Variants in B3GALT1 observed in about 807,000 individuals in gnomAD.
The protein encoded by B3GALT1 is beta-1,3-galactosyltransferase 1, also known as UDP-Gal:betaGlcNAc beta 1,3-galactosyltransferase, polypeptide 1.
In B3GALT1, 10 loss-of-function variants were observed where a neutral mutation model predicts 23.2. The ratio of observed to expected loss-of-function variants is 0.43; its 90% confidence interval spans 0.27 to 0.73. The LOEUF is 0.73. Ranked by LOEUF, B3GALT1 falls within the 30% of genes least tolerant of loss-of-function variation. The probability of loss-of-function intolerance (pLI) is 0.21; values close to 1 mark genes in which losing one functional copy is unlikely to be tolerated. For synonymous variants in B3GALT1, 156 were observed against 141.5 expected (o/e 1.10, Z -0.73); for missense variants, 299 against 405.4 (o/e 0.74, Z 2.25).
chr2:167,489,624 T>G (rs1699676715), intron 1 of B3GALT1, among the ~76,000 whole-genome samples: 1 of 152,208 alleles, frequency 6.6e-6, no homozygotes, highest in Non-Finnish European at 1.5e-5. Flanking sequence ...ACTTTTTCAC[T>G]GGCTCACGTC....
chr2:167,808,412 G>T (rs1159793285), intron 3 of B3GALT1, among the ~76,000 whole-genome samples: 1 of 151,356 alleles, frequency 6.6e-6, no homozygotes, highest in Non-Finnish European at 1.5e-5. Flanking sequence ...GGTCTTTACA[G>T]TTTGGCATGT....
intron 1 of B3GALT1, among the ~76,000 whole-genome samples, chr2:167,379,577 A>T (rs73021705): frequency 0.013 from 2,027 of 152,224 alleles, 54 homozygotes; most frequent in African/African-American, 0.047. Flanking sequence ...CCCATAGATG[A>T]TGCTTAAAGG....
In B3GALT1 at chr2:167,791,483, G is replaced by C. The variant is rs185284048; in HGVS notation, c.-351-27189G>C. ...ATAAATCCATGATCTAGCTATAGTA[G>C]ACTGCCTTCTGCCTGCCTGGGTCTA... On this transcript the variant is annotated intron_variant, in intron 3 of 4. Transcript: ENST00000392690. Among the ~76,000 whole-genome samples, 20 of 152,232 alleles carry C rather than the reference G, an allele frequency of 1.3e-4. No individual in the cohort carries two copies. In the East Asian group the frequency reaches 3.5e-3, roughly 26 times the overall value.
chr2:167,715,906 C>T, intron 3 of B3GALT1: 2 of 1,613,504 alleles, frequency 1.2e-6, no homozygotes, highest in Non-Finnish European at 1.7e-6. Context: ...AGGAGAACAA[C>T]AAAAAATCCA....
intron 2 of B3GALT1, among the ~76,000 whole-genome samples, chr2:167,542,135 A>AT (rs74750375): frequency 3.3e-5 from 5 of 151,854 alleles, no homozygotes; most frequent in African/African-American, 4.8e-5. Context: ...TATTTTATAT[A>AT]TTTTTTTAAA....
At chr2:167,365,349 C>G (rs1697569403) in intron 1 of B3GALT1, among the ~76,000 whole-genome samples, 1 of 152,074 alleles carries the variant, frequency 6.6e-6, no homozygotes. Flanking sequence ...CTTTTAAAAC[C>G]AGGCATAACA....
intron 2 of B3GALT1, among the ~76,000 whole-genome samples, chr2:167,581,047 T>C (rs1373570547): frequency 6.6e-6 from 1 of 152,200 alleles, no homozygotes; most frequent in Non-Finnish European, 1.5e-5. Context: ...ATATAAGAAA[T>C]ACCTTATTTA....
At chr2:167,642,908 A>C (rs1685681681) in intron 2 of B3GALT1, among the ~76,000 whole-genome samples, 1 of 152,156 alleles carries the variant, frequency 6.6e-6, no homozygotes, top group Admixed American at 6.6e-5. Flanking sequence ...GAATCCTATT[A>C]ATGTGTAAAA....
At chr2:167,441,169 C>G (rs913968080) in intron 1 of B3GALT1, among the ~76,000 whole-genome samples, 8 of 152,144 alleles carry the variant, frequency 5.3e-5, no homozygotes, top group African/African-American at 1.9e-4. Context: ...ATGACTAGTT[C>G]ACATTCAAGG....
intron 2 of B3GALT1, among the ~76,000 whole-genome samples, chr2:167,565,769 A>C (rs1684149953): frequency 6.6e-6 from 1 of 152,228 alleles, no homozygotes; most frequent in Admixed American, 6.5e-5. Context: ...ATCACTGGCC[A>C]TCAGAGAAAT....
intron 2 of B3GALT1, among the ~76,000 whole-genome samples, chr2:167,539,520 A>G (rs16853726): frequency 0.045 from 6,785 of 152,280 alleles, 315 homozygotes; most frequent in African/African-American, 0.12. Flanking sequence ...TTGAACCTCA[A>G]ATTGATCTTA....
chr2:167,765,012 C>A (rs569099725), intron 3 of B3GALT1, among the ~76,000 whole-genome samples: 1 of 152,198 alleles, frequency 6.6e-6, no homozygotes, highest in South Asian at 2.1e-4. Context: ...GAGATGGGAA[C>A]CTTTACCCAC....
chr2:167,739,988 A>G (rs1002996329), intron 3 of B3GALT1, among the ~76,000 whole-genome samples: 21 of 150,730 alleles, frequency 1.4e-4, no homozygotes, highest in Non-Finnish European at 2.7e-4. Flanking sequence ...AGACTCAGCT[A>G]TTTGGGAGGC....
intron 1 of B3GALT1, among the ~76,000 whole-genome samples, chr2:167,442,225 C>A (rs182890594): frequency 6.6e-6 from 1 of 151,916 alleles, no homozygotes; most frequent in African/African-American, 2.4e-5. Context: ...TTTTTTATGG[C>A]GCATAGTATT....
chr2:167,296,810 G>T (rs959173802), intron 1 of B3GALT1, among the ~76,000 whole-genome samples: 1 of 151,998 alleles, frequency 6.6e-6, no homozygotes, highest in Non-Finnish European at 1.5e-5. Context: ...CCACCCTTTT[G>T]CAGTTTATAT....
chr2:167,817,673 C>T (rs1329874761), intron 3 of B3GALT1, among the ~76,000 whole-genome samples: 1 of 152,208 alleles, frequency 6.6e-6, no homozygotes, highest in Non-Finnish European at 1.5e-5. Flanking sequence ...CCATCCCAAA[C>T]AAATGCCTTT....
At chr2:167,455,627 C>T (rs1319587598) in intron 1 of B3GALT1, among the ~76,000 whole-genome samples, 2 of 152,158 alleles carry the variant, frequency 1.3e-5, no homozygotes. Flanking sequence ...ATTCTCCTGC[C>T]TCAGCCTCCC....
chr2:167,743,284 A>G (rs1330021497), intron 3 of B3GALT1, among the ~76,000 whole-genome samples: 1 of 152,156 alleles, frequency 6.6e-6, no homozygotes, highest in Non-Finnish European at 1.5e-5. Flanking sequence ...AAGTTTATAA[A>G]GGTTCTATTT....
intron 2 of B3GALT1, among the ~76,000 whole-genome samples, chr2:167,545,519 C>A (rs79986497): frequency 0.068 from 10,393 of 152,138 alleles, 820 homozygotes; most frequent in African/African-American, 0.18. Flanking sequence ...CTTAGCTTGC[C>A]GCTATAACTC....
Sources: gnomAD v4.1 joint callset for allele counts (sites outside exome capture counted in the v4.1 genomes callset) on GRCh38, gnomAD v4.1.1 for gene constraint, MANE v1.5 for transcripts, NCBI Gene and HGNC (gene_info 2026-07-23, HGNC 2026-07-21) for gene names.